Variants in CNTN5 observed in about 807,000 individuals in gnomAD.
The protein encoded by CNTN5 is contactin 5.
Under a neutral mutation model 129.1 loss-of-function variants are expected in CNTN5, and 77 were observed. That is an observed-to-expected ratio of 0.60 (90% confidence interval 0.50 to 0.72). The LOEUF (loss-of-function observed/expected upper bound fraction) is 0.72. Among genes scored for constraint, CNTN5 ranks in the 30% least tolerant of loss-of-function variants. The pLI, the probability that CNTN5 is intolerant of heterozygous loss-of-function variation, is 0.00. For synonymous variants in CNTN5, 509 were observed against 465.6 expected (o/e 1.09, Z -1.20); for missense variants, 1,478 against 1,328.8 (o/e 1.11, Z -1.75).
At chr11:100,094,678 G>GA (rs1341925038) in intron 13 of CNTN5, among the ~76,000 whole-genome samples, 1 of 150,066 alleles carries the variant, frequency 6.7e-6, no homozygotes, top group Non-Finnish European at 1.5e-5. Flanking sequence ...AGAAATGAAA[G>GA]AAGAAAGAAA....
At chr11:99,703,098 A>G (rs36067908) in intron 3 of CNTN5, among the ~76,000 whole-genome samples, 7,264 of 150,590 alleles carry the variant, frequency 0.048, 161 homozygotes, top group East Asian at 0.068. Flanking sequence ...CACTAGCTCT[A>G]TAACTCTTAC....
chr11:99,662,200 G>T, intron 3 of CNTN5, among the ~76,000 whole-genome samples: 1 of 152,064 alleles, frequency 6.6e-6, no homozygotes, highest in East Asian at 1.9e-4. Context: ...ATATTTCAAA[G>T]AAATAGGAAA....
At chr11:100,143,190 T>TTTATG (rs1946748772) in intron 13 of CNTN5, among the ~76,000 whole-genome samples, 1 of 152,284 alleles carries the variant, frequency 6.6e-6, no homozygotes, top group Non-Finnish European at 1.5e-5. Flanking sequence ...TCATCCTAGT[T>TTTATG]TTATGTTTTT....
intron 3 of CNTN5, among the ~76,000 whole-genome samples, chr11:99,739,009 C>T (rs941024745): frequency 9.2e-5 from 14 of 152,052 alleles, no homozygotes; most frequent in Non-Finnish European, 5.9e-5. Context: ...TAAATATAGA[C>T]GATAGATTAA....
At chr11:99,233,131 C>A (rs780833590) in intron 1 of CNTN5, among the ~76,000 whole-genome samples, 31 of 152,148 alleles carry the variant, frequency 2.0e-4, no homozygotes, top group Non-Finnish European at 3.7e-4. Flanking sequence ...TACATGGCTG[C>A]ATTTAATTTC....
intron 8 of CNTN5, among the ~76,000 whole-genome samples, chr11:99,985,033 G>A (rs7126320): frequency 0.35 from 52,938 of 151,676 alleles, 9,442 homozygotes; most frequent in African/African-American, 0.44. Flanking sequence ...TGCCTGCAAC[G>A]GTGAAGCTCA....
intron 9 of CNTN5, among the ~76,000 whole-genome samples, chr11:100,036,636 T>A (rs1349171177): frequency 6.7e-6 from 1 of 150,176 alleles, no homozygotes; most frequent in African/African-American, 2.4e-5. Context: ...TATCCTCTTT[T>A]ATTTCATTGA....
At chr11:100,258,499 GGTTGAA>G (rs1950125661) in intron 17 of CNTN5, among the ~76,000 whole-genome samples, 1 of 152,110 alleles carries the variant, frequency 6.6e-6, no homozygotes, top group Non-Finnish European at 1.5e-5. Flanking sequence ...GATTCACCAA[GGTTGAA>G]ATGAAGGAAA....
chr11:100,035,857 C>T (rs1216242700), intron 9 of CNTN5, among the ~76,000 whole-genome samples: 2 of 152,016 alleles, frequency 1.3e-5, no homozygotes. Flanking sequence ...ATTGTAGATT[C>T]TGGATATTAG....
chr11:99,653,196 ATGAG>A (rs1952224390), intron 3 of CNTN5, among the ~76,000 whole-genome samples: 1 of 152,032 alleles, frequency 6.6e-6, no homozygotes, highest in Non-Finnish European at 1.5e-5. Context: ...AAGTTACTAA[ATGAG>A]TGAACTCATA....
At chr11:99,052,363 A>G (rs1356113762) in intron 1 of CNTN5, among the ~76,000 whole-genome samples, 1 of 151,844 alleles carries the variant, frequency 6.6e-6, no homozygotes, top group Non-Finnish European at 1.5e-5. Flanking sequence ...ATAAGATTAT[A>G]ACGTGCTATT....
chr11:99,922,548 A>G (rs1469705599), intron 7 of CNTN5, among the ~76,000 whole-genome samples: 1 of 152,178 alleles, frequency 6.6e-6, no homozygotes, highest in Non-Finnish European at 1.5e-5. Flanking sequence ...TTTCTGTTTC[A>G]TCCAAATAGT....
At chr11:99,204,822 T>G (rs1591356395) in intron 1 of CNTN5, among the ~76,000 whole-genome samples, 1 of 152,328 alleles carries the variant, frequency 6.6e-6, no homozygotes, top group East Asian at 1.9e-4. Context: ...AGATATGAAC[T>G]CTCTTTGCTT....
chr11:99,278,850 G>A (rs1863567659), intron 1 of CNTN5, among the ~76,000 whole-genome samples: 1 of 151,646 alleles, frequency 6.6e-6, no homozygotes, highest in Admixed American at 6.6e-5. Flanking sequence ...ACATCCCACA[G>A]CACAAAGCAC....
At chr11:99,863,139 T>C (rs778895317) in intron 6 of CNTN5, among the ~76,000 whole-genome samples, 40 of 152,266 alleles carry the variant, frequency 2.6e-4, no homozygotes, top group Non-Finnish European at 5.4e-4. Context: ...TCTATCCTAT[T>C]TATGGCCTCT....
chr11:99,268,462 A>G (rs1257454069), intron 1 of CNTN5, among the ~76,000 whole-genome samples: 1 of 151,790 alleles, frequency 6.6e-6, no homozygotes, highest in Non-Finnish European at 1.5e-5. Flanking sequence ...AATATAATGG[A>G]AAATTATAAA....
At chr11:100,115,740 G>A (rs1233096202) in intron 13 of CNTN5, among the ~76,000 whole-genome samples, 1 of 151,964 alleles carries the variant, frequency 6.6e-6, no homozygotes, top group Non-Finnish European at 1.5e-5. Flanking sequence ...TGGAATTTGA[G>A]AGATTGTTCT....
chr11:99,159,515 A>G (rs957119367), intron 1 of CNTN5, among the ~76,000 whole-genome samples: 20 of 151,928 alleles, frequency 1.3e-4, no homozygotes, highest in African/African-American at 4.6e-4. Context: ...CCAGCTACTC[A>G]GGAGGCTGAG....
At chr11:100,260,629 G>A (rs1169840725) in intron 17 of CNTN5, among the ~76,000 whole-genome samples, 12 of 152,266 alleles carry the variant, frequency 7.9e-5, no homozygotes, top group African/African-American at 2.9e-4. Flanking sequence ...TGGGATTCAA[G>A]GCTGGTTCAA....
Sources: allele counts gnomAD v4.1 joint callset (sites outside exome capture counted in the v4.1 genomes callset), GRCh38; gene constraint gnomAD v4.1.1; transcripts MANE v1.5; gene names NCBI Gene and HGNC (gene_info 2026-07-23, HGNC 2026-07-21).